The following CES4A variants were observed in gnomAD, a reference collection of about 807,000 sequenced individuals.
CES4A encodes carboxylesterase 6.
Under a neutral mutation model 65.4 loss-of-function variants are expected in CES4A, and 48 were observed. The ratio of observed to expected loss-of-function variants is 0.73; its 90% CI spans 0.58 to 0.93. The LOEUF (loss-of-function observed/expected upper bound fraction) is 0.93. Ranked by LOEUF, CES4A falls within the 40% of genes least tolerant of loss-of-function variation. The pLI is 0.00. For missense variants in CES4A, 685 were observed against 728.5 expected, an observed-to-expected ratio of 0.94 and a Z score of 0.69; for synonymous variants, 247 against 281.8, an observed-to-expected ratio of 0.88 and a Z score of 1.24.
At chr16:67,009,243 C>T (rs1966007380) in exon 14 of CES4A, 8 of 1,223,034 alleles carry the variant, frequency 6.5e-6, no homozygotes, top group Non-Finnish European at 9.1e-6. Context: ...GTTCTACCCA[C>T]CCCAGTTTAG....
intron 2 of CES4A, among the ~76,000 whole-genome samples, chr16:66,999,323 G>A (rs942418412): frequency 1.3e-5 from 2 of 152,208 alleles, no homozygotes; most frequent in African/African-American, 4.8e-5. Context: ...GGCCAGCAAG[G>A]AGAAAAGGTG....
intron 13 of CES4A, chr16:67,007,568 TCTC>T (rs1965865399): frequency 6.6e-6 from 1 of 151,880 alleles, no homozygotes; most frequent in African/African-American, 2.4e-5. Context: ...GCCTGGCCTC[TCTC>T]CTTTCAAATC....
chr16:67,005,594 C>T, intron 11 of CES4A: 2 of 540,996 alleles, frequency 3.7e-6, no homozygotes, highest in Non-Finnish European at 6.4e-6. Flanking sequence ...CACCTGTAAT[C>T]CCAGCACTTT....
At chr16:67,008,834 T>G in intron 13 of CES4A, 140 bp from the exon 14 acceptor site, 3 of 815,962 alleles carry the variant, frequency 3.7e-6, no homozygotes, top group Non-Finnish European at 3.9e-6. Flanking sequence ...TTCCTACTCT[T>G]TATTAAAGTT....
chr16:67,000,630 G>T lies in CES4A; in HGVS notation c.261-8G>T. 6.5e-7 allele frequency: 1 copy of T among 1,536,390 alleles called. No individual in the cohort carries two copies. The highest frequency in any genetic ancestry group is 1.2e-5 in the South Asian group (1 of 83,478). On this transcript the variant is annotated splice_polypyrimidine_tract_variant and splice_region_variant and intron_variant, in intron 2 of 13. Coordinates refer to ENST00000648724, the Ensembl canonical transcript of CES4A. The surrounding 1 kb of genome is among the most constrained non-coding windows in gnomAD (Gnocchi z 4.2). ...CCCGCGGCCGCCGCCGCTACCTGGTGCCCGCAGGTGCCTGCAGGAGTCCTG... is the reference window on the plus strand; with the variant it reads ...CCCGCGGCCGCCGCCGCTACCTGGTTCCCGCAGGTGCCTGCAGGAGTCCTG...
Position 66,988,797 on chromosome 16 carries a change from C to T in CES4A, c.25C>T (p.Leu9Phe), listed in dbSNP as rs1278312160. ...CATGAGGTGGATTCTGTGCTGGAGC[C>T]TCACCCTCTGCCTGATGGCGCAGAC... Residue 9 changes from leucine to phenylalanine, a missense_variant, in exon 1 of 14, where the codon CTC (leucine) becomes TTC (phenylalanine). Transcript: ENST00000648724. 1.9e-6 allele frequency: 3 copies of T among 1,569,152 alleles called. No homozygotes were observed. The South Asian group carries it at 3.5e-5, about 18-fold the overall frequency.
chr16:66,995,657 G>A (rs1173793848), exon 2 of CES4A: 1 of 1,614,196 alleles, frequency 6.2e-7, no homozygotes. Flanking sequence ...GCCTCAAGTG[G>A]TCACCAAATA....
chr16:67,008,830 C>A, intron 13 of CES4A, 144 bp from the exon 14 acceptor site: 1 of 804,184 alleles, frequency 1.2e-6, no homozygotes, highest in African/African-American at 1.7e-5. Context: ...CACTTTCCTA[C>A]TCTTTATTAA....
chr16:67,005,275 G>A (rs1391796312), exon 11 of CES4A: 1 of 1,614,100 alleles, frequency 6.2e-7, no homozygotes, highest in Non-Finnish European at 8.5e-7. Flanking sequence ...TTGTGGTGGA[G>A]GAGTACCTGG....
In CES4A at chr16:67,001,122, C is replaced by T. The variant is rs1301071471; in HGVS notation, c.536+132C>T. The T allele has an allele frequency of 5.2e-6, 7 of 1,344,338 alleles. No homozygotes were observed. The highest frequency in any genetic ancestry group is 1.4e-5 in the South Asian group (1 of 69,438). 83.3% of individuals were successfully genotyped at this position (1,344,338 alleles called of 1,614,324 possible). ...CGAGGCGGGGGCGGGGCCTGGCGCT[C>T]GGTGGAAGGGGCGGGCGCTCCATAC... On this transcript the variant is annotated intron_variant, in intron 4 of 13. Transcript: ENST00000648724. This position sits in a 1 kb window ranked among gnomAD's most constrained non-coding sequence, Gnocchi z 4.1.
intron 13 of CES4A, chr16:67,008,182 A>G (rs1965919033): frequency 6.6e-6 from 1 of 152,044 alleles, no homozygotes; most frequent in African/African-American, 2.4e-5. Flanking sequence ...ATGCCTCCCA[A>G]AGTGTTGGTC....
In CES4A at chr16:67,003,058, C is replaced by A; in HGVS notation, c.691-12C>A. 6.2e-7 allele frequency: 1 copy of A among 1,610,380 alleles called. No homozygotes were observed. The highest frequency in any genetic ancestry group is 1.1e-5 in the South Asian group (1 of 90,992). On this transcript the variant is annotated splice_polypyrimidine_tract_variant and intron_variant, in intron 5 of 13. Coordinates refer to ENST00000648724, the Ensembl canonical transcript of CES4A. The surrounding 1 kb of genome is among the most constrained non-coding windows in gnomAD (Gnocchi z 4.2). ...GGGCATCTCACGGGTGTATTCCTCC[C>A]TGTTCTTGCAGATGATGTCACCCCT...
In CES4A at chr16:67,000,592, T is replaced by C. The variant is rs1292415146; in HGVS notation, c.261-46T>C. On this transcript the variant is annotated intron_variant, in intron 2 of 13. Transcript: ENST00000648724. This position sits in a 1 kb window ranked among gnomAD's most constrained non-coding sequence, Gnocchi z 4.2. ...CCGTCTTCTCACTGCGGACCCTGGA[T>C]TGAAACGATCTCCCCGCGGCCGCCG... The C allele has an allele frequency of 3.3e-6, 5 of 1,521,440 alleles. No individual in the cohort carries two copies. The highest frequency in any genetic ancestry group is 4.3e-5 in the Admixed American group (2 of 46,994). 94.2% of individuals were successfully genotyped at this position (1,521,440 alleles called of 1,614,324 possible). A position where few individuals can be genotyped will look rare whatever the true frequency, so the allele number is the denominator to read the frequency against.
chr16:67,006,734 T>G lies in CES4A; in HGVS notation c.1445-11T>G, dbSNP rs1324302974. ...CTCTGTCCGAAATCCCACATCCCAT[T>G]CTGCCCCCAGGCCTTTCCATGGGTA... is the stretch of plus-strand genomic sequence containing the variant. On this transcript the variant is annotated splice_polypyrimidine_tract_variant and intron_variant, in intron 12 of 13. Coordinates refer to ENST00000648724, the Ensembl canonical transcript of CES4A. The G allele has an allele frequency of 1.9e-6, 3 of 1,613,690 alleles. No individual in the cohort carries two copies. Among genetic ancestry groups the G allele is most frequent in the Non-Finnish European group, 2.5e-6 (3 of 1,179,796 alleles).
At chr16:66,995,085 G>A (rs1964723835) in intron 1 of CES4A, among the ~76,000 whole-genome samples, 1 of 151,762 alleles carries the variant, frequency 6.6e-6, no homozygotes, top group Non-Finnish European at 1.5e-5. Context: ...GCCAAGGCGG[G>A]CAGATCACGA....
intron 1 of CES4A, among the ~76,000 whole-genome samples, chr16:66,990,393 T>C (rs1366072548): frequency 6.6e-6 from 1 of 152,206 alleles, no homozygotes; most frequent in East Asian, 1.9e-4. Context: ...ATAGCTGTAC[T>C]ATTAGAATGT....
chr16:67,005,036 A>T, intron 10 of CES4A, 163 bp downstream of exon 10: 3 of 732,378 alleles, frequency 4.1e-6, no homozygotes, highest in Non-Finnish European at 6.8e-6. Context: ...CTTACAGGTA[A>T]GGTGCTCAGG....
Position 67,003,478 on chromosome 16 carries a change from A to T in CES4A, c.901-37A>T, listed in dbSNP as rs904042305. ...CCTGTCTCAAGAGCACACGAGGGAGACTTCCTTTAACTCTGATCCCTTCCT... is the reference window on the plus strand; with the variant it reads ...CCTGTCTCAAGAGCACACGAGGGAGTCTTCCTTTAACTCTGATCCCTTCCT... On this transcript the variant is annotated intron_variant, in intron 7 of 13. Transcript: ENST00000648724. This position sits in a 1 kb window ranked among gnomAD's most constrained non-coding sequence, Gnocchi z 4.2. 12 of 1,607,084 alleles carry T rather than the reference A, an allele frequency of 7.5e-6. No homozygotes were observed. Among genetic ancestry groups the T allele is most frequent in the Admixed American group, 3.3e-5 (2 of 59,976 alleles).
intron 12 of CES4A, 44 bp from the exon 13 acceptor site, chr16:67,006,701 G>A: frequency 6.3e-7 from 1 of 1,588,898 alleles, no homozygotes; most frequent in Non-Finnish European, 8.6e-7. Flanking sequence ...GGAGGTCAGT[G>A]TCCCCTGCTC....
Sources: allele counts gnomAD v4.1 joint callset (sites outside exome capture counted in the v4.1 genomes callset), GRCh38; gene constraint gnomAD v4.1.1; non-coding constraint Gnocchi (gnomAD v3.1); transcripts MANE v1.5; gene names NCBI Gene and HGNC (gene_info 2026-07-23, HGNC 2026-07-21).